Variants in BARD1 observed in about 807,000 individuals in gnomAD.
BARD1 encodes the protein BRCA1-associated RING domain protein 1.
A neutral mutation model predicts 77.0 loss-of-function variants in BARD1; 73 were observed. That is an observed-to-expected ratio of 0.95 (90% confidence interval 0.79 to 1.15). BARD1 has a LOEUF of 1.15. Among genes scored for constraint, BARD1 ranks in the 50% most tolerant of loss-of-function variants. The probability of loss-of-function intolerance (pLI) is 0.00; values close to 1 mark genes in which losing one functional copy is unlikely to be tolerated. For synonymous variants in BARD1, 384 were observed against 338.0 expected, an observed-to-expected ratio of 1.14 and a Z score of -1.49; for missense variants, 993 against 938.8, an observed-to-expected ratio of 1.06 and a Z score of -0.75.
chr2:214,753,153 A>G (rs919096233), intron 6 of BARD1, among the ~76,000 whole-genome samples: 1 of 152,208 alleles, frequency 6.6e-6, no homozygotes, highest in African/African-American at 2.4e-5. Context: ...ACAGAATGTT[A>G]CGCTGGAAGA....
intron 1 of BARD1, among the ~76,000 whole-genome samples, chr2:214,803,573 T>C (rs910884337): frequency 6.6e-6 from 1 of 152,250 alleles, no homozygotes; most frequent in Non-Finnish European, 1.5e-5. Context: ...ACCTTGTCTA[T>C]GTTGCAAAGA....
intron 2 of BARD1, among the ~76,000 whole-genome samples, chr2:214,795,589 T>A (rs917474692): frequency 1.3e-5 from 2 of 152,138 alleles, no homozygotes; most frequent in Non-Finnish European, 2.9e-5. Flanking sequence ...AGACCAGCTA[T>A]GAACCTATCA....
chr2:214,775,568 GAC>G (rs1259124302), intron 4 of BARD1, among the ~76,000 whole-genome samples: 2 of 152,098 alleles, frequency 1.3e-5, no homozygotes, highest in African/African-American at 2.4e-5. Context: ...ACCAAAATGT[GAC>G]ACAGAGACAC....
At chr2:214,768,483 TA>T (rs1317518239) in intron 5 of BARD1, among the ~76,000 whole-genome samples, 1 of 152,144 alleles carries the variant, frequency 6.6e-6, no homozygotes, top group African/African-American at 2.4e-5. Context: ...AGCCAGCCAG[TA>T]GAGTCCAACC....
intron 3 of BARD1, among the ~76,000 whole-genome samples, chr2:214,785,448 G>C (rs1190192603): frequency 7.2e-5 from 11 of 151,908 alleles, no homozygotes; most frequent in Admixed American, 6.6e-4. Flanking sequence ...CCAGCACAGT[G>C]GTGAGCACAT....
At chr2:214,803,812 G>C (rs529038697) in intron 1 of BARD1, among the ~76,000 whole-genome samples, 1 of 152,190 alleles carries the variant, frequency 6.6e-6, no homozygotes, top group East Asian at 1.9e-4. Context: ...TCCACCTTAC[G>C]AGAAACACCC....
chr2:214,805,782 C>G (rs1696242569), intron 1 of BARD1, among the ~76,000 whole-genome samples: 1 of 151,834 alleles, frequency 6.6e-6, no homozygotes, highest in African/African-American at 2.4e-5. Flanking sequence ...AAAAAAATAC[C>G]TATCATAAAG....
At chr2:214,734,567 A>G (rs182121053) in intron 9 of BARD1, among the ~76,000 whole-genome samples, 104 of 152,256 alleles carry the variant, frequency 6.8e-4, no homozygotes, top group African/African-American at 2.3e-3. Context: ...AATGAGCAAA[A>G]TACTTTACTA....
At chr2:214,741,596 T>C (rs988962018) in intron 9 of BARD1, among the ~76,000 whole-genome samples, 18 of 152,164 alleles carry the variant, frequency 1.2e-4, no homozygotes, top group Non-Finnish European at 1.0e-4. Context: ...TGTGAGAAAT[T>C]AGCACCCAGA....
chr2:214,798,846 C>T (rs1287630094), intron 1 of BARD1, among the ~76,000 whole-genome samples: 1 of 151,008 alleles, frequency 6.6e-6, no homozygotes, highest in African/African-American at 2.4e-5. Context: ...CAACCGGGTA[C>T]TGAGGCTCAT....
At chr2:214,794,543 GTTAT>G (rs1321972079) in intron 2 of BARD1, among the ~76,000 whole-genome samples, 4 of 151,482 alleles carry the variant, frequency 2.6e-5, no homozygotes, top group South Asian at 4.2e-4. Context: ...CTTACAAAGT[GTTAT>G]TTGTGTTTGT....
intron 9 of BARD1, among the ~76,000 whole-genome samples, chr2:214,737,429 T>C (rs1052525810): frequency 1.3e-5 from 2 of 152,066 alleles, no homozygotes; most frequent in Non-Finnish European, 2.9e-5. Context: ...CAGATCAAGT[T>C]TTTTTGTTCA....
At chr2:214,741,897 A>C (rs1039560481) in intron 9 of BARD1, among the ~76,000 whole-genome samples, 3 of 148,338 alleles carry the variant, frequency 2.0e-5, no homozygotes, top group Admixed American at 6.9e-5. Context: ...TCATAGTTAA[A>C]TTTGGACCCA....
Position 214,762,976 on chromosome 2 carries a change from C to A in BARD1, c.1568+4506G>T, listed in dbSNP as rs527557577. Among the ~76,000 whole-genome samples the A allele has an allele frequency of 4.0e-5, 6 of 150,582 alleles. No homozygotes were observed. The East Asian group carries it at 1.2e-3, about 30-fold the overall frequency. On this transcript the variant is annotated intron_variant, in intron 6 of 10. Coordinates refer to ENST00000260947, the MANE Select transcript of BARD1 (RefSeq NM_000465.4). ...ACAAACCTCTTAACTGAGTTCCCTC[C>A]CCAGTGTGAAGGAGGAGGTTTTCAA...
chr2:214,808,217 G>T (rs1168162160), intron 1 of BARD1, among the ~76,000 whole-genome samples: 1 of 152,170 alleles, frequency 6.6e-6, no homozygotes, highest in Non-Finnish European at 1.5e-5. Flanking sequence ...AGACCATCCT[G>T]GCTAACACGG....
At position 214,728,574 on chromosome 2, in the gene BARD1, G is replaced by C. The variant is rs1303861734; in HGVS notation, c.*102C>G. On this transcript the variant is annotated 3_prime_UTR_variant, in exon 11 of 11. Transcript: ENST00000260947. ...TTTTGATTCAAAGACAAATATGAAT[G>C]ACTCTACCTATTTGTAAAAATGTGA... 1 of 867,784 alleles carries C rather than the reference G, an allele frequency of 1.2e-6. No individual in the cohort carries two copies. The highest frequency in any genetic ancestry group is 1.8e-5 in the African/African-American group (1 of 55,558). 53.8% of individuals were successfully genotyped at this position (867,784 alleles called of 1,614,324 possible). A position where few individuals can be genotyped will look rare whatever the true frequency, so the allele number is the denominator to read the frequency against.
chr2:214,749,377 C>T (rs535376529), intron 7 of BARD1, among the ~76,000 whole-genome samples: 11 of 152,096 alleles, frequency 7.2e-5, no homozygotes, highest in African/African-American at 2.4e-4. Context: ...ACCCTTTAAA[C>T]CTGAAGGACT....
At chr2:214,747,535 G>A (rs1425162217) in intron 7 of BARD1, among the ~76,000 whole-genome samples, 5 of 151,538 alleles carry the variant, frequency 3.3e-5, no homozygotes, top group African/African-American at 1.2e-4. Context: ...CATAAAAAAG[G>A]ATGAGTTCAT....
At chr2:214,800,129 A>G (rs1695949239) in intron 1 of BARD1, among the ~76,000 whole-genome samples, 2 of 152,216 alleles carry the variant, frequency 1.3e-5, no homozygotes, top group African/African-American at 4.8e-5. Flanking sequence ...TTTCCTTCCT[A>G]AGATGACTGA....
Sources: gnomAD v4.1 joint callset for allele counts (sites outside exome capture counted in the v4.1 genomes callset) on GRCh38, gnomAD v4.1.1 for gene constraint, MANE v1.5 for transcripts, NCBI Gene and HGNC (gene_info 2026-07-23, HGNC 2026-07-21) for gene names.